EFNB2: variants seen among roughly 807,000 people sequenced by gnomAD.
The protein encoded by EFNB2 is ephrin B2, also known as ephrin-B2.
A neutral mutation model predicts 32.1 loss-of-function variants in EFNB2; 5 were observed. The observed-to-expected ratio is 0.16, with a 90% CI of 0.08 to 0.33. The LOEUF is 0.33. EFNB2 is among the 10% of genes least tolerant of loss of function. The pLI is 1.00. For missense variants in EFNB2, 263 were observed against 422.6 expected, an observed-to-expected ratio of 0.62 and a Z score of 3.31; for synonymous variants, 168 against 166.5, an observed-to-expected ratio of 1.01 and a Z score of -0.07.
chr13:106,534,786 C>T, intron 1 of EFNB2, 57 bp downstream of exon 1: 3 of 1,551,880 alleles, frequency 1.9e-6, no homozygotes, highest in Middle Eastern at 1.8e-4. Context: ...TCCTCCCGCC[C>T]GGACGGCGCG....
chr13:106,495,498 T>TCTATTATC (rs759156157), intron 3 of EFNB2, among the ~76,000 whole-genome samples: 7 of 144,820 alleles, frequency 4.8e-5, no homozygotes, highest in African/African-American at 1.7e-4. Flanking sequence ...TATCTATCTA[T>TCTATTATC]TATCTATCTA....
intron 1 of EFNB2, among the ~76,000 whole-genome samples, chr13:106,530,756 T>G (rs541004741): frequency 3.9e-5 from 6 of 152,262 alleles, no homozygotes; most frequent in Non-Finnish European, 7.4e-5. Flanking sequence ...TCGCCCGAAG[T>G]TTGGTGTCAT....
intron 3 of EFNB2, among the ~76,000 whole-genome samples, chr13:106,495,504 ATCT>A (rs1261835137): frequency 3.7e-4 from 56 of 151,978 alleles, no homozygotes; most frequent in Non-Finnish European, 6.8e-4. Context: ...TCTATTATCT[ATCT>A]ATCTATCTAT....
chr13:106,530,754 A>C (rs1390120672), intron 1 of EFNB2, among the ~76,000 whole-genome samples: 1 of 152,152 alleles, frequency 6.6e-6, no homozygotes, highest in African/African-American at 2.4e-5. Flanking sequence ...CGTCGCCCGA[A>C]GTTTGGTGTC....
intron 1 of EFNB2, among the ~76,000 whole-genome samples, chr13:106,528,603 A>T (rs1222684718): frequency 6.6e-6 from 1 of 152,204 alleles, no homozygotes; most frequent in Non-Finnish European, 1.5e-5. Context: ...TTGAGAGTTC[A>T]GACTCTTCCA....
At chr13:106,532,508 A>G (rs1879911399) in intron 1 of EFNB2, among the ~76,000 whole-genome samples, 1 of 152,234 alleles carries the variant, frequency 6.6e-6, no homozygotes, top group East Asian at 1.9e-4. Context: ...TTCCCCAAGG[A>G]AAGCGACCCC....
chr13:106,510,749 C>T (rs1381747796), intron 2 of EFNB2, among the ~76,000 whole-genome samples: 1 of 151,054 alleles, frequency 6.6e-6, no homozygotes, highest in Non-Finnish European at 1.5e-5. Flanking sequence ...CGCGGTGGCT[C>T]ACGCCTGGAA....
intron 1 of EFNB2, among the ~76,000 whole-genome samples, chr13:106,513,822 C>T (rs1269988360): frequency 2.0e-5 from 3 of 152,146 alleles, no homozygotes; most frequent in South Asian, 2.1e-4. Flanking sequence ...AACAAAGAAT[C>T]GCCTCTGAAT....
intron 1 of EFNB2, among the ~76,000 whole-genome samples, chr13:106,528,557 C>T (rs1879775016): frequency 6.6e-6 from 1 of 151,938 alleles, no homozygotes; most frequent in African/African-American, 2.4e-5. Flanking sequence ...TCAAGAAAGA[C>T]ACAGGGTGTT....
chr13:106,501,210 A>G lies in EFNB2; in HGVS notation c.407-5370T>C, dbSNP rs575281777. 3.4e-3 allele frequency among the ~76,000 whole-genome samples: 524 copies of G among 152,340 alleles called. 2 individuals are homozygous for G. Among genetic ancestry groups the G allele is most frequent in the African/African-American group, 0.012 (507 of 41,574 alleles). On this transcript the variant is annotated intron_variant, in intron 2 of 4. Transcript: ENST00000646441. ...CTAACTTAGAAGAAAAGTTCTAAAC[A>G]TGGAAATGATAGTGTTCACTGAATG...
chr13:106,525,824 G>C (rs923448731), intron 1 of EFNB2, among the ~76,000 whole-genome samples: 24 of 152,138 alleles, frequency 1.6e-4, no homozygotes, highest in Admixed American at 1.4e-3. Flanking sequence ...TGTTAGAGCC[G>C]AGTAACAGGC....
intron 1 of EFNB2, among the ~76,000 whole-genome samples, chr13:106,532,826 G>C (rs570473103): frequency 4.0e-5 from 6 of 151,834 alleles, no homozygotes; most frequent in African/African-American, 9.7e-5. Context: ...TCAGAATGGG[G>C]GGGGGGAGTG....
chr13:106,519,450 A>C (rs1879425820), intron 1 of EFNB2: 1 of 152,204 alleles, frequency 6.6e-6, no homozygotes, highest in Non-Finnish European at 1.5e-5. Context: ...AGGCCCACAC[A>C]TAAAGCTCTT....
intron 1 of EFNB2, among the ~76,000 whole-genome samples, chr13:106,526,068 A>G (rs1370421240): frequency 6.6e-6 from 1 of 152,108 alleles, no homozygotes; most frequent in Non-Finnish European, 1.5e-5. Context: ...GTCCATCTTC[A>G]AGCCCCACCC....
chr13:106,498,385 A>C (rs1448152186), intron 2 of EFNB2, among the ~76,000 whole-genome samples: 2 of 152,208 alleles, frequency 1.3e-5, no homozygotes, highest in African/African-American at 4.8e-5. Flanking sequence ...CTGCTTTGTC[A>C]AACTGGAAGC....
In EFNB2 at chr13:106,493,028, C is replaced by A; in HGVS notation, c.*12G>T. ...GTCCTCTGGGAAAGCACAGGTACCA[C>A]CAGGGTCCCTCTCAGACCTTGTAGT... On this transcript the variant is annotated 3_prime_UTR_variant, in exon 5 of 5. Coordinates refer to ENST00000646441, the MANE Select transcript of EFNB2 (RefSeq NM_004093.4). The surrounding 1 kb of genome is among the most constrained non-coding windows in gnomAD (Gnocchi z 6.1). The A allele has an allele frequency of 6.3e-7, 1 of 1,595,464 alleles. No homozygotes were observed.
chr13:106,534,811 G>T (rs1209048489), intron 1 of EFNB2, 32 bp downstream of exon 1: 2 of 1,592,054 alleles, frequency 1.3e-6, no homozygotes, highest in Non-Finnish European at 1.7e-6. Context: ...ACCCCGGGGC[G>T]GGGACATAGG....
At chr13:106,514,826 C>A (rs1879262463) in intron 1 of EFNB2, among the ~76,000 whole-genome samples, 1 of 152,166 alleles carries the variant, frequency 6.6e-6, no homozygotes, top group Non-Finnish European at 1.5e-5. Flanking sequence ...GGGGGCATCC[C>A]AGGCTTCAGA....
intron 1 of EFNB2, among the ~76,000 whole-genome samples, chr13:106,528,113 G>A (rs935849190): frequency 1.3e-5 from 2 of 152,170 alleles, no homozygotes; most frequent in Admixed American, 6.5e-5. Context: ...AAATCAGGGG[G>A]TAGCCTCTCT....
Sources: gnomAD v4.1 joint callset for allele counts (sites outside exome capture counted in the v4.1 genomes callset) on GRCh38, gnomAD v4.1.1 for gene constraint, Gnocchi (gnomAD v3.1) non-coding constraint, MANE v1.5 for transcripts, NCBI Gene and HGNC (gene_info 2026-07-23, HGNC 2026-07-21) for gene names.